RIT2: variants seen among roughly 807,000 people sequenced by gnomAD.
RIT2 encodes GTP-binding protein Rit2.
In RIT2, 24 loss-of-function variants were observed where a neutral mutation model predicts 23.7. The observed-to-expected ratio is 1.01, with a 90% CI of 0.73 to 1.43. The LOEUF is 1.43. Among genes scored for constraint, RIT2 ranks in the 40% most tolerant of loss-of-function variants. The pLI, the probability that RIT2 is intolerant of heterozygous loss-of-function variation, is 0.00. For synonymous variants in RIT2, 107 were observed against 91.1 expected, an observed-to-expected ratio of 1.17 and a Z score of -0.99; for missense variants, 236 against 266.9, an observed-to-expected ratio of 0.88 and a Z score of 0.81.
intron 3 of RIT2, among the ~76,000 whole-genome samples, chr18:42,954,381 A>G (rs1418753748): frequency 6.6e-6 from 1 of 151,902 alleles, no homozygotes; most frequent in Non-Finnish European, 1.5e-5. Context: ...ACTCAAAAAA[A>G]AAAAAAAAAA....
chr18:42,946,322 C>T (rs1322394654), intron 3 of RIT2, among the ~76,000 whole-genome samples: 3 of 152,078 alleles, frequency 2.0e-5, no homozygotes, highest in South Asian at 2.1e-4. Context: ...GAAAACCACA[C>T]GTTTAAAATC....
At chr18:42,874,039 C>T (rs530303181) in intron 4 of RIT2, among the ~76,000 whole-genome samples, 1 of 152,218 alleles carries the variant, frequency 6.6e-6, no homozygotes, top group African/African-American at 2.4e-5. Flanking sequence ...ATCACAACAT[C>T]ATTCCACTGA....
rs1908171091 is a variant in RIT2, at chr18:42,891,424, A to G, written c.426+32148T>C. 2.0e-5 allele frequency among the ~76,000 whole-genome samples: 3 copies of G among 152,202 alleles called. No homozygotes were observed. In the South Asian group the frequency reaches 6.2e-4, roughly 31 times the overall value. On this transcript the variant is annotated intron_variant, in intron 4 of 4. Coordinates refer to ENST00000326695, the MANE Select transcript of RIT2 (RefSeq NM_002930.4). ...CTGTATCTTATTTATATAGAAAATA[A>G]AAATGTCATTCAATGTCCACAGAAA...
chr18:42,862,129 C>T (rs986093596), intron 4 of RIT2, among the ~76,000 whole-genome samples: 1 of 152,114 alleles, frequency 6.6e-6, no homozygotes, highest in African/African-American at 2.4e-5. Flanking sequence ...TCTCAAATTG[C>T]AATCCCCATG....
intron 1 of RIT2, among the ~76,000 whole-genome samples, chr18:43,105,517 G>GAAGGAAGGAA (rs1193871671): frequency 6.6e-6 from 1 of 150,680 alleles, no homozygotes; most frequent in Admixed American, 6.6e-5. Flanking sequence ...AGGGAGGGAG[G>GAAGGAAGGAA]GAATGAGCAG....
intron 3 of RIT2, among the ~76,000 whole-genome samples, chr18:42,956,433 A>G (rs1909971557): frequency 6.6e-6 from 1 of 152,172 alleles, no homozygotes; most frequent in African/African-American, 2.4e-5. Flanking sequence ...TGTAACCTCC[A>G]TGGACTATTT....
At chr18:42,786,849 C>T (rs1913933813) in intron 4 of RIT2, among the ~76,000 whole-genome samples, 1 of 152,068 alleles carries the variant, frequency 6.6e-6, no homozygotes, top group Non-Finnish European at 1.5e-5. Flanking sequence ...CGAGAACTTC[C>T]CCGTGATCCT....
At chr18:42,876,083 T>C (rs1907736450) in intron 4 of RIT2, among the ~76,000 whole-genome samples, 2 of 152,070 alleles carry the variant, frequency 1.3e-5, no homozygotes, top group African/African-American at 4.8e-5. Flanking sequence ...CAATTCATTA[T>C]TCAGTTAGTC....
chr18:42,809,111 G>T (rs1905768157), intron 4 of RIT2, among the ~76,000 whole-genome samples: 1 of 152,052 alleles, frequency 6.6e-6, no homozygotes, highest in Admixed American at 6.6e-5. Flanking sequence ...TGCATTATGT[G>T]ATTAATAGAA....
chr18:42,872,566 T>G (rs1380236682), intron 4 of RIT2, among the ~76,000 whole-genome samples: 1 of 152,228 alleles, frequency 6.6e-6, no homozygotes, highest in Non-Finnish European at 1.5e-5. Context: ...AAAGTCTTTT[T>G]CATGATATCC....
chr18:43,040,451 T>A (rs1912101683), intron 1 of RIT2, among the ~76,000 whole-genome samples: 1 of 152,176 alleles, frequency 6.6e-6, no homozygotes, highest in South Asian at 2.1e-4. Context: ...AAGATGACCA[T>A]TGTGTTCTAT....
intron 1 of RIT2, among the ~76,000 whole-genome samples, chr18:43,095,901 G>A (rs544150019): frequency 6.6e-6 from 1 of 152,030 alleles, no homozygotes; most frequent in South Asian, 2.1e-4. Context: ...ATAAAGTCAA[G>A]AGAGGTTGGT....
At chr18:42,871,738 G>T (rs1907626178) in intron 4 of RIT2, among the ~76,000 whole-genome samples, 1 of 152,220 alleles carries the variant, frequency 6.6e-6, no homozygotes, top group Non-Finnish European at 1.5e-5. Flanking sequence ...GCCTTGGCCA[G>T]TGTGCTGGGC....
At chr18:43,008,490 C>T (rs1417064130) in intron 2 of RIT2, among the ~76,000 whole-genome samples, 1 of 151,080 alleles carries the variant, frequency 6.6e-6, no homozygotes, top group Non-Finnish European at 1.5e-5. Context: ...AAAGTTCTAC[C>T]TTATTTCATA....
intron 1 of RIT2, among the ~76,000 whole-genome samples, chr18:43,047,239 G>A (rs570347766): frequency 9.6e-4 from 145 of 151,170 alleles, no homozygotes; most frequent in South Asian, 9.2e-3. Flanking sequence ...ATAATCTTCC[G>A]CTTTTTCACT....
chr18:43,066,766 G>A (rs904707125), intron 1 of RIT2, among the ~76,000 whole-genome samples: 4 of 151,986 alleles, frequency 2.6e-5, no homozygotes, highest in Admixed American at 6.6e-5. Flanking sequence ...CATACAAACT[G>A]TATTTGAGCA....
intron 4 of RIT2, among the ~76,000 whole-genome samples, chr18:42,813,012 A>G (rs976156068): frequency 6.6e-6 from 1 of 152,226 alleles, no homozygotes. Flanking sequence ...TGAATATTAG[A>G]TCCTAAAGTT....
intron 2 of RIT2, among the ~76,000 whole-genome samples, chr18:43,018,156 C>T (rs1239427233): frequency 3.3e-5 from 5 of 152,010 alleles, no homozygotes; most frequent in Non-Finnish European, 7.4e-5. Context: ...ATCCCTCTGA[C>T]TCCCTTTCCC....
chr18:42,816,872 T>C (rs532088920), intron 4 of RIT2, among the ~76,000 whole-genome samples: 1 of 152,284 alleles, frequency 6.6e-6, no homozygotes, highest in South Asian at 2.1e-4. Flanking sequence ...CACCAGATAG[T>C]TGAAAGTATC....
Sources: gnomAD v4.1 joint callset for allele counts (sites outside exome capture counted in the v4.1 genomes callset) on GRCh38, gnomAD v4.1.1 for gene constraint, MANE v1.5 for transcripts, NCBI Gene and HGNC (gene_info 2026-07-23, HGNC 2026-07-21) for gene names.